The following SV2C variants were observed in gnomAD, a reference collection of about 807,000 sequenced individuals.
SV2C encodes the protein synaptic vesicle glycoprotein 2C, also known as solute carrier family 22 member B3.
A neutral mutation model predicts 79.7 loss-of-function variants in SV2C; 49 were observed. The observed-to-expected ratio is 0.61, with a 90% CI of 0.49 to 0.78. SV2C has a LOEUF of 0.78. SV2C is among the 30% of genes least tolerant of loss of function. The probability of loss-of-function intolerance (pLI) is 0.00; values close to 1 mark genes in which losing one functional copy is unlikely to be tolerated. For synonymous variants in SV2C, 334 were observed against 333.2 expected (o/e 1.00, Z -0.03); for missense variants, 833 against 912.9 (o/e 0.91, Z 1.13).
chr5:76,024,476 C>T, the SV2C span, among the ~76,000 whole-genome samples: 1 of 152,236 alleles, frequency 6.6e-6, no homozygotes, highest in South Asian at 2.1e-4. Context: ...TCCTTTGCCT[C>T]TTTTTATGGG....
the SV2C span, among the ~76,000 whole-genome samples, chr5:75,984,590 T>C: frequency 0.14 from 13,822 of 98,780 alleles, 766 homozygotes; most frequent in East Asian, 0.24. Flanking sequence ...TATCTATCTA[T>C]CTATCTACCT....
chr5:76,093,587 G>A (rs1200007022), intron 1 of SV2C, among the ~76,000 whole-genome samples: 2 of 152,148 alleles, frequency 1.3e-5, no homozygotes. Context: ...TTAGACCTGG[G>A]CCTTATTCTT....
intron 12 of SV2C, among the ~76,000 whole-genome samples, chr5:76,349,774 A>G (rs1272189777): frequency 6.6e-6 from 1 of 151,718 alleles, no homozygotes; most frequent in East Asian, 1.9e-4. Context: ...GCCTCAAGTG[A>G]ACCTCCCACC....
At chr5:75,952,508 G>A in the SV2C span, among the ~76,000 whole-genome samples, 3 of 151,848 alleles carry the variant, frequency 2.0e-5, no homozygotes, top group Admixed American at 1.3e-4. Context: ...GGGGCCTGGT[G>A]GGAGGTATTG....
At chr5:76,163,984 T>C (rs1742970236) in intron 2 of SV2C, among the ~76,000 whole-genome samples, 1 of 152,224 alleles carries the variant, frequency 6.6e-6, no homozygotes, top group South Asian at 2.1e-4. Flanking sequence ...ATATGCCTTC[T>C]ACAATCCTCA....
chr5:76,112,784 T>A (rs1182904314), intron 1 of SV2C, among the ~76,000 whole-genome samples: 1 of 152,372 alleles, frequency 6.6e-6, no homozygotes, highest in Non-Finnish European at 1.5e-5. Flanking sequence ...TAATGAATTT[T>A]GGAAAATACT....
At chr5:76,098,556 A>G (rs1319259681) in intron 1 of SV2C, among the ~76,000 whole-genome samples, 1 of 152,236 alleles carries the variant, frequency 6.6e-6, no homozygotes, top group Non-Finnish European at 1.5e-5. Flanking sequence ...TAAATACATT[A>G]CAGCTAATTG....
chr5:75,991,219 T>C, the SV2C span, among the ~76,000 whole-genome samples: 1 of 151,934 alleles, frequency 6.6e-6, no homozygotes, highest in Non-Finnish European at 1.5e-5. Context: ...TATAACACCT[T>C]TCTGTATTTA....
intron 6 of SV2C, among the ~76,000 whole-genome samples, chr5:76,289,643 C>T (rs942372323): frequency 6.6e-6 from 1 of 152,180 alleles, no homozygotes; most frequent in Non-Finnish European, 1.5e-5. Context: ...TTGGTGCAGT[C>T]CTCCTTATTC....
At chr5:76,044,069 C>T in the SV2C span, among the ~76,000 whole-genome samples, 2 of 152,192 alleles carry the variant, frequency 1.3e-5, no homozygotes, top group Non-Finnish European at 1.5e-5. Context: ...TCCCCCTGCT[C>T]TCCCTCCAAC....
intron 8 of SV2C, among the ~76,000 whole-genome samples, chr5:76,295,170 G>A (rs947110091): frequency 3.3e-5 from 5 of 152,162 alleles, no homozygotes; most frequent in Non-Finnish European, 7.3e-5. Context: ...CAGTCCTGAA[G>A]ACTGGAAGTC....
At chr5:76,048,182 C>T in the SV2C span, among the ~76,000 whole-genome samples, 1 of 152,042 alleles carries the variant, frequency 6.6e-6, no homozygotes, top group Non-Finnish European at 1.5e-5. Context: ...GGAATTGGTT[C>T]ATGTGATTAT....
chr5:76,027,917 T>A, the SV2C span, among the ~76,000 whole-genome samples: 1 of 152,232 alleles, frequency 6.6e-6, no homozygotes, highest in African/African-American at 2.4e-5. Flanking sequence ...CTATTACCTC[T>A]AATTCTCTTA....
the SV2C span, among the ~76,000 whole-genome samples, chr5:75,955,900 G>T: frequency 1.3e-5 from 2 of 152,068 alleles, no homozygotes; most frequent in African/African-American, 4.8e-5. Flanking sequence ...GAAACAACAG[G>T]TGTTGGAGAG....
chr5:76,124,143 A>G (rs765744165), intron 1 of SV2C, among the ~76,000 whole-genome samples: 1 of 152,194 alleles, frequency 6.6e-6, no homozygotes. Flanking sequence ...AACCATTTTT[A>G]AATGTACAGT....
the SV2C span, among the ~76,000 whole-genome samples, chr5:75,854,755 C>T: frequency 0.019 from 2,851 of 152,088 alleles, 46 homozygotes; most frequent in Middle Eastern, 0.044. Flanking sequence ...GTTGTTTGTG[C>T]CTATTGCATC....
chr5:76,292,435 C>T (rs1436889107), intron 8 of SV2C, among the ~76,000 whole-genome samples: 1 of 152,176 alleles, frequency 6.6e-6, no homozygotes, highest in African/African-American at 2.4e-5. Context: ...AAGAGTAAAG[C>T]TCTGGCTTCC....
At chr5:75,974,488 GTTC>G in the SV2C span, among the ~76,000 whole-genome samples, 2 of 151,978 alleles carry the variant, frequency 1.3e-5, no homozygotes, top group Non-Finnish European at 2.9e-5. Flanking sequence ...TGGAATGACC[GTTC>G]TTCTCATTTG....
At chr5:76,023,293 A>G in the SV2C span, among the ~76,000 whole-genome samples, 1 of 152,178 alleles carries the variant, frequency 6.6e-6, no homozygotes, top group South Asian at 2.1e-4. Flanking sequence ...AGTAGTCAAG[A>G]GAGACCCCGT....
Sources: allele counts gnomAD v4.1 joint callset (sites outside exome capture counted in the v4.1 genomes callset), GRCh38; gene constraint gnomAD v4.1.1; transcripts MANE v1.5; gene names NCBI Gene and HGNC (gene_info 2026-07-23, HGNC 2026-07-21).